IPO9: variants seen among roughly 807,000 people sequenced by gnomAD.
IPO9 encodes importin-9.
A neutral mutation model predicts 128.6 loss-of-function variants in IPO9; 28 were observed. The ratio of observed to expected loss-of-function variants is 0.22; its 90% confidence interval spans 0.16 to 0.30. IPO9 has a LOEUF of 0.30. Ranked by LOEUF, IPO9 falls within the 10% of genes least tolerant of loss-of-function variation. The pLI, the probability that IPO9 is intolerant of heterozygous loss-of-function variation, is 1.00. For missense variants in IPO9, 935 were observed against 1,293.9 expected (o/e 0.72, Z 4.26); for synonymous variants, 455 against 475.8 (o/e 0.96, Z 0.57).
At chr1:201,857,321 G>A in intron 11 of IPO9, 127 bp downstream of exon 11, 1 of 638,630 alleles carries the variant, frequency 1.6e-6, no homozygotes, top group South Asian at 1.9e-5. Context: ...CTTTATTGGG[G>A]ATGCAAGAGA....
intron 15 of IPO9, 112 bp from the exon 16 acceptor site, chr1:201,868,536 A>G: frequency 8.7e-7 from 1 of 1,146,582 alleles, no homozygotes; most frequent in African/African-American, 1.5e-5. Flanking sequence ...GTGATAAGTA[A>G]TCAATGCAGA....
chr1:201,833,348 C>T (rs1679871420), intron 1 of IPO9, among the ~76,000 whole-genome samples: 1 of 151,912 alleles, frequency 6.6e-6, no homozygotes, highest in Non-Finnish European at 1.5e-5. Context: ...AAGTGATTCT[C>T]ATGCCTAGGC....
chr1:201,861,712 A>G (rs1444977472), intron 13 of IPO9, among the ~76,000 whole-genome samples: 1 of 152,230 alleles, frequency 6.6e-6, no homozygotes, highest in African/African-American at 2.4e-5. Flanking sequence ...TTGTGTGAGT[A>G]AACAAGTTAA....
rs998614665 is a variant in IPO9 at position 201,870,481 on chromosome 1, T to C, written c.2134-102T>C. On this transcript the variant is annotated intron_variant, in intron 17 of 23. Coordinates refer to ENST00000361565, the MANE Select transcript of IPO9 (RefSeq NM_018085.5). The surrounding 1 kb of genome is among the most constrained non-coding windows in gnomAD (Gnocchi z 4.9). ...ACAAACATTATAGACTCACCGCTTT[T>C]ATGAGGCATAGGCCTCTGGGAACAT... The C allele has an allele frequency of 2.3e-6, 3 of 1,320,064 alleles. No homozygotes were observed. Among genetic ancestry groups the C allele is most frequent in the Non-Finnish European group, 3.1e-6 (3 of 972,936 alleles). 81.8% of individuals were successfully genotyped at this position (1,320,064 alleles called of 1,614,324 possible).
chr1:201,843,827 C>CAA lies in IPO9; in HGVS notation c.164-3435_164-3434dup, dbSNP rs35870198. Among the ~76,000 whole-genome samples, 726 of 95,948 alleles carry CAA rather than the reference C, an allele frequency of 7.6e-3. 5 individuals are homozygous for CAA. The highest frequency in any genetic ancestry group is 0.027 in the African/African-American group (682 of 25,310). 62.9% of individuals were successfully genotyped at this position (95,948 alleles called of 152,430 possible). ...TGGGTGACAGAGTGCGATTCTGTCT[C>CAA]AAAAAAAAAAAAAAAAAAGATATTC... is the stretch of plus-strand genomic sequence containing the variant. On this transcript the variant is annotated intron_variant, in intron 1 of 23. Transcript: ENST00000361565.
chr1:201,875,337 C>T (rs750339478), intron 23 of IPO9, 109 bp downstream of exon 23: 129 of 999,358 alleles, frequency 1.3e-4, no homozygotes, highest in Non-Finnish European at 2.0e-4. Flanking sequence ...TGCCTGTAAT[C>T]CCAACACTTT....
chr1:201,865,167 T>C (rs943735907), intron 14 of IPO9, among the ~76,000 whole-genome samples: 12 of 152,026 alleles, frequency 7.9e-5, no homozygotes, highest in African/African-American at 2.7e-4. Flanking sequence ...CAGACTGGCT[T>C]ATGTCCGTGT....
At chr1:201,867,585 A>G (rs1354140793) in intron 15 of IPO9, among the ~76,000 whole-genome samples, 1 of 152,040 alleles carries the variant, frequency 6.6e-6, no homozygotes, top group African/African-American at 2.4e-5. Flanking sequence ...TTAGAAAAGC[A>G]TGTATGTATA....
At chr1:201,836,192 C>G (rs1679919722) in intron 1 of IPO9, among the ~76,000 whole-genome samples, 1 of 145,562 alleles carries the variant, frequency 6.9e-6, no homozygotes, top group Non-Finnish European at 1.5e-5. Flanking sequence ...CACACACGTA[C>G]TTTTTTTTTA....
rs578037696 is a variant in IPO9 at position 201,857,030 on chromosome 1, T to C, written c.1123-66T>C. 4 of 989,820 alleles carry C rather than the reference T, an allele frequency of 4.0e-6. No homozygotes were observed. The Admixed American group carries it at 5.1e-5, about 13-fold the overall frequency. The allele number at this position is 989,820 out of a possible 1,614,324, so 61.3% of individuals were successfully genotyped here. A position where few individuals can be genotyped will look rare whatever the true frequency, so the allele number is the denominator to read the frequency against. On this transcript the variant is annotated intron_variant, in intron 10 of 23. Coordinates refer to ENST00000361565, the MANE Select transcript of IPO9 (RefSeq NM_018085.5). The stretch of plus-strand genomic sequence containing the variant: ...AGGATAATAGGTTGAAATCTTCCTG[T>C]ATCTGTTGATGAAAAGCTATGAATC...
chr1:201,851,463 T>C (rs888354609), intron 4 of IPO9, among the ~76,000 whole-genome samples: 1 of 139,538 alleles, frequency 7.2e-6, no homozygotes, highest in Admixed American at 7.2e-5. Flanking sequence ...GTGTATTTGG[T>C]TTTTTTTTTT....
chr1:201,879,274 T>C lies in IPO9; in HGVS notation c.*3220T>C, dbSNP rs1680839129. On this transcript the variant is annotated 3_prime_UTR_variant, in exon 24 of 24. Coordinates refer to ENST00000361565, the MANE Select transcript of IPO9 (RefSeq NM_018085.5). ...AGAGAAAATGATGCTAAACTGGTCT[T>C]AGAATCTTCTTTAATTTTGTTAACT... The C allele has an allele frequency of 6.6e-6, 1 of 152,236 alleles. No homozygotes were observed. Among genetic ancestry groups the C allele is most frequent in the African/African-American group, 2.4e-5 (1 of 41,468 alleles). 9.4% of individuals were successfully genotyped at this position (152,236 alleles called of 1,614,324 possible).
chr1:201,872,989 C>G (rs746627189), intron 20 of IPO9, 28 bp downstream of exon 20: 4 of 1,600,134 alleles, frequency 2.5e-6, no homozygotes, highest in Non-Finnish European at 3.4e-6. Flanking sequence ...TCTTCCAATC[C>G]TCTCCCTATA....
chr1:201,874,504 C>A, intron 21 of IPO9, 132 bp downstream of exon 21: 1 of 1,029,290 alleles, frequency 9.7e-7, no homozygotes, highest in Non-Finnish European at 1.4e-6. Flanking sequence ...CTGTGGCTGG[C>A]ACCATGCTAG....
intron 4 of IPO9, among the ~76,000 whole-genome samples, chr1:201,851,776 G>T (rs968157743): frequency 6.6e-6 from 1 of 152,204 alleles, no homozygotes; most frequent in African/African-American, 2.4e-5. Flanking sequence ...ATGGGCACAA[G>T]ATAAATTAAT....
At chr1:201,865,094 C>G (rs917190064) in intron 14 of IPO9, among the ~76,000 whole-genome samples, 3 of 152,096 alleles carry the variant, frequency 2.0e-5, no homozygotes, top group African/African-American at 7.2e-5. Flanking sequence ...GGATCATTAG[C>G]TATCTTTCTT....
At position 201,874,918 on chromosome 1, in the gene IPO9, C is replaced by A. The variant is rs1417091203; in HGVS notation, c.2920C>A (p.Leu974Ile). The change falls in exon 22 of 24, where the codon CTT becomes ATT. Residue 974 changes from leucine (L) to isoleucine (I), a missense_variant. Around this residue, in one of 3 missense-constraint regions of IPO9, gnomAD observed 188 missense variants for 246.7 expected, o/e 0.76. Transcript: ENST00000361565. The stretch of plus-strand genomic sequence containing the variant: ...AGCTGGCCAACTTTTATCTGACATT[C>A]TTGCTACAAGTAAATATGGTAAGCT... ...GLAGQLLSDI[L>I]ATSKYEEDYY... 6.2e-6 allele frequency: 10 copies of A among 1,610,828 alleles called. No homozygotes were observed. Among genetic ancestry groups the A allele is most frequent in the Non-Finnish European group, 8.5e-6 (10 of 1,177,100 alleles).
chr1:201,835,690 C>T (rs1369178814), intron 1 of IPO9, among the ~76,000 whole-genome samples: 1 of 152,216 alleles, frequency 6.6e-6, no homozygotes, highest in Admixed American at 6.5e-5. Flanking sequence ...TAATCTTAAA[C>T]AGTCGTTTCC....
At chr1:201,852,704 A>G (rs949544871) in intron 5 of IPO9, among the ~76,000 whole-genome samples, 1 of 152,202 alleles carries the variant, frequency 6.6e-6, no homozygotes, top group Non-Finnish European at 1.5e-5. Flanking sequence ...TTTAAAGGAA[A>G]TATATTGGCT....
Sources: gnomAD v4.1 joint callset for allele counts (sites outside exome capture counted in the v4.1 genomes callset) on GRCh38, gnomAD v4.1.1 for gene constraint, gnomAD v4.1.1 regional missense constraint, Gnocchi (gnomAD v3.1) non-coding constraint, MANE v1.5 for transcripts, NCBI Gene and HGNC (gene_info 2026-07-23, HGNC 2026-07-21) for gene names.